ERC1: variants seen among roughly 807,000 people sequenced by gnomAD.
ERC1 encodes the protein RAB6 interacting protein 2.
Under a neutral mutation model 132.0 loss-of-function variants are expected in ERC1, and 56 were observed. The observed-to-expected ratio is 0.42, with a 90% CI of 0.34 to 0.53. The LOEUF is 0.53. Ranked by LOEUF, ERC1 falls within the 20% of genes least tolerant of loss-of-function variation. ERC1 has a pLI of 0.03. For synonymous variants in ERC1, 478 were observed against 476.1 expected, an observed-to-expected ratio of 1.00 and a Z score of -0.05; for missense variants, 1,202 against 1,349.9, an observed-to-expected ratio of 0.89 and a Z score of 1.72.
intron 14 of ERC1, among the ~76,000 whole-genome samples, chr12:1,277,258 T>G (rs1396978661): frequency 6.6e-6 from 1 of 152,230 alleles, no homozygotes; most frequent in African/African-American, 2.4e-5. Flanking sequence ...CCACCATGTT[T>G]ATGAAAACAT....
At chr12:1,133,711 A>G (rs1055714198) in intron 7 of ERC1, among the ~76,000 whole-genome samples, 1 of 152,126 alleles carries the variant, frequency 6.6e-6, no homozygotes, top group Non-Finnish European at 1.5e-5. Flanking sequence ...ATACAGCATT[A>G]TTAATTACAC....
intron 1 of ERC1, among the ~76,000 whole-genome samples, chr12:1,026,925 T>C (rs1290053756): frequency 6.6e-6 from 1 of 152,246 alleles, no homozygotes; most frequent in Non-Finnish European, 1.5e-5. Flanking sequence ...GGAAGGGATC[T>C]ATAGCTGGTT....
At chr12:1,193,425 G>C (rs1009231501) in intron 12 of ERC1, among the ~76,000 whole-genome samples, 4 of 135,774 alleles carry the variant, frequency 2.9e-5, no homozygotes, top group African/African-American at 3.1e-5. Context: ...AGCAGAATTA[G>C]TAGGATACAC....
At chr12:1,120,986 A>G (rs1160974048) in intron 7 of ERC1, among the ~76,000 whole-genome samples, 3 of 152,244 alleles carry the variant, frequency 2.0e-5, no homozygotes, top group Admixed American at 1.3e-4. Flanking sequence ...ATACATTCTT[A>G]GAACTAGAGG....
At chr12:1,047,793 C>T (rs886469979) in intron 2 of ERC1, among the ~76,000 whole-genome samples, 8 of 152,020 alleles carry the variant, frequency 5.3e-5, no homozygotes, top group Non-Finnish European at 1.2e-4. Flanking sequence ...TTATATGTGT[C>T]TAAAACGGGT....
chr12:1,294,911 CA>C (rs1231941597), intron 15 of ERC1, among the ~76,000 whole-genome samples: 1 of 152,208 alleles, frequency 6.6e-6, no homozygotes, highest in African/African-American at 2.4e-5. Context: ...AAACTCCCCT[CA>C]AGCTATGGAT....
chr12:1,179,951 A>G (rs1325936326), intron 8 of ERC1, among the ~76,000 whole-genome samples: 1 of 152,258 alleles, frequency 6.6e-6, no homozygotes, highest in Non-Finnish European at 1.5e-5. Context: ...TAAGTAAATG[A>G]ATGCATATAA....
chr12:1,194,396 G>A (rs538125625), intron 12 of ERC1, among the ~76,000 whole-genome samples: 1 of 152,164 alleles, frequency 6.6e-6, no homozygotes, highest in African/African-American at 2.4e-5. Flanking sequence ...CCTCCAGCCT[G>A]GGTGACAGAG....
chr12:1,434,652 G>T (rs1474048527), intron 17 of ERC1, among the ~76,000 whole-genome samples: 1 of 152,190 alleles, frequency 6.6e-6, no homozygotes, highest in African/African-American at 2.4e-5. Context: ...ATGATCCTGT[G>T]TTCGGAGCAG....
chr12:1,230,954 TA>T (rs1219639425), intron 12 of ERC1, among the ~76,000 whole-genome samples: 2 of 152,202 alleles, frequency 1.3e-5, no homozygotes, highest in Non-Finnish European at 2.9e-5. Flanking sequence ...TGTGTGTCCT[TA>T]CAGCTAAAGT....
intron 15 of ERC1, among the ~76,000 whole-genome samples, chr12:1,319,000 A>G (rs2081950227): frequency 6.6e-6 from 1 of 152,120 alleles, no homozygotes; most frequent in African/African-American, 2.4e-5. Flanking sequence ...ATGGAAAAGC[A>G]TTTCCTCTGT....
At chr12:1,219,101 G>A (rs1034028496) in intron 12 of ERC1, among the ~76,000 whole-genome samples, 6 of 151,954 alleles carry the variant, frequency 3.9e-5, no homozygotes, top group Non-Finnish European at 8.8e-5. Flanking sequence ...TTGAACTACT[G>A]ACCTCAGGTG....
At chr12:1,359,308 T>C (rs535710578) in intron 15 of ERC1, among the ~76,000 whole-genome samples, 1 of 152,250 alleles carries the variant, frequency 6.6e-6, no homozygotes. Flanking sequence ...ACTTCTACAC[T>C]CAACAGAAAT....
intron 15 of ERC1, among the ~76,000 whole-genome samples, chr12:1,310,778 C>T (rs1269544104): frequency 6.6e-6 from 1 of 152,242 alleles, no homozygotes; most frequent in Admixed American, 6.5e-5. Context: ...AAAATACTAT[C>T]GTCATTACTG....
intron 17 of ERC1, among the ~76,000 whole-genome samples, chr12:1,433,119 G>A (rs1207304757): frequency 1.3e-5 from 2 of 152,192 alleles, no homozygotes; most frequent in African/African-American, 4.8e-5. Context: ...CCAAAGAAAT[G>A]TTTAGGTAGA....
intron 18 of ERC1, among the ~76,000 whole-genome samples, chr12:1,448,486 G>A (rs1048592128): frequency 1.3e-5 from 2 of 152,208 alleles, no homozygotes; most frequent in East Asian, 1.9e-4. Flanking sequence ...TGAAAGTATT[G>A]TGATCAGAGT....
At chr12:1,010,527 T>G (rs1283378901) in intron 1 of ERC1, among the ~76,000 whole-genome samples, 1 of 122,296 alleles carries the variant, frequency 8.2e-6, no homozygotes, top group African/African-American at 3.2e-5. Flanking sequence ...TTTTTTTTTT[T>G]GACAGAGAGT....
At chr12:1,466,854 G>C (rs889968484) in intron 18 of ERC1, among the ~76,000 whole-genome samples, 8 of 152,194 alleles carry the variant, frequency 5.3e-5, no homozygotes, top group African/African-American at 1.7e-4. Context: ...CCGGAGATAA[G>C]ATTATGGTAT....
rs559278889 is a variant in ERC1 at position 1,195,500 on chromosome 12, C to T, written c.2351+5448C>T. 2.1e-3 allele frequency among the ~76,000 whole-genome samples: 326 copies of T among 152,216 alleles called. 1 individual carries two copies. Among genetic ancestry groups the T allele is most frequent in the African/African-American group, 6.8e-3 (281 of 41,534 alleles). On this transcript the variant is annotated intron_variant, in intron 12 of 18. Transcript: ENST00000360905. The stretch of plus-strand genomic sequence containing the variant: ...TTCTCTTTCTTAGTGACTAGTTTCG[C>T]ATTGAGCACATATGCATTAGTGATT...
Sources: gnomAD v4.1 joint callset for allele counts (sites outside exome capture counted in the v4.1 genomes callset) on GRCh38, gnomAD v4.1.1 for gene constraint, MANE v1.5 for transcripts, NCBI Gene and HGNC (gene_info 2026-07-23, HGNC 2026-07-21) for gene names.